Variants in ARMC1 observed in about 807,000 individuals in gnomAD.
The protein encoded by ARMC1 is armadillo repeat-containing protein 1.
In ARMC1, 16 loss-of-function variants were observed where a neutral mutation model predicts 31.4. The ratio of observed to expected loss-of-function variants is 0.51; its 90% CI spans 0.34 to 0.77. ARMC1 has a LOEUF of 0.77. ARMC1 is among the 30% of genes least tolerant of loss of function. The pLI, the probability that ARMC1 is intolerant of heterozygous loss-of-function variation, is 0.01. For synonymous variants in ARMC1, 114 were observed against 118.9 expected (o/e 0.96, Z 0.27); for missense variants, 259 against 347.5 (o/e 0.75, Z 2.02).
At chr8:65,615,072 T>A (rs571416660) in intron 3 of ARMC1, among the ~76,000 whole-genome samples, 2 of 152,336 alleles carry the variant, frequency 1.3e-5, no homozygotes, top group South Asian at 4.1e-4. Flanking sequence ...CAATTTCTGA[T>A]ACTCAGATTG....
Position 65,602,538 on chromosome 8 carries a change from C to G in ARMC1, c.*1856G>C, listed in dbSNP as rs1172910095. 1 of 152,118 alleles carries G rather than the reference C, an allele frequency of 6.6e-6. No individual in the cohort carries two copies. Among genetic ancestry groups the G allele is most frequent in the East Asian group, 1.9e-4 (1 of 5,200 alleles). The allele number at this position is 152,118 out of a possible 1,614,324, so 9.4% of individuals were successfully genotyped here. A position where few individuals can be genotyped will look rare whatever the true frequency, so the allele number is the denominator to read the frequency against. On this transcript the variant is annotated 3_prime_UTR_variant, in exon 7 of 7. Coordinates refer to ENST00000276569, the MANE Select transcript of ARMC1 (RefSeq NM_018120.6). ...AAAAATGCTGTTACAGTTGTCTTAA[C>G]TACTCTATATGATCTGGAATAAAGA...
chr8:65,633,565 C>T (rs1486995761), intron 1 of ARMC1, among the ~76,000 whole-genome samples: 1 of 152,188 alleles, frequency 6.6e-6, no homozygotes, highest in Non-Finnish European at 1.5e-5. Context: ...TTGCTAACTG[C>T]ACGAATACCT....
At chr8:65,630,282 A>G (rs987233161) in intron 1 of ARMC1, among the ~76,000 whole-genome samples, 5 of 152,202 alleles carry the variant, frequency 3.3e-5, no homozygotes, top group Non-Finnish European at 7.3e-5. Flanking sequence ...ATCATTTTGT[A>G]CCCCATAAAT....
chr8:65,622,180 A>G (rs1808407293), intron 3 of ARMC1, 83 bp downstream of exon 3: 3 of 1,098,764 alleles, frequency 2.7e-6, no homozygotes, highest in African/African-American at 1.6e-5. Flanking sequence ...GCTTGAACCC[A>G]GCATGGGCAA....
chr8:65,618,637 T>C (rs549785960), intron 3 of ARMC1, among the ~76,000 whole-genome samples: 5 of 151,520 alleles, frequency 3.3e-5, no homozygotes, highest in African/African-American at 1.2e-4. Flanking sequence ...ATCCATTTTC[T>C]AACAGTCTCA....
In ARMC1 at chr8:65,605,418, T is replaced by C. The variant is rs769800013; in HGVS notation, c.582+4A>G. 8.1e-6 allele frequency: 13 copies of C among 1,613,778 alleles called. No homozygotes were observed. In the South Asian group the frequency reaches 1.2e-4, roughly 15 times the overall value. ...AAGCATATTCAGTCTTTTAAAATAC[T>C]TACCTCAGCTTTCAAATCTGAACGG... On this transcript the variant is annotated splice_donor_region_variant and intron_variant, in intron 5 of 6. Coordinates refer to ENST00000276569, the MANE Select transcript of ARMC1 (RefSeq NM_018120.6).
At chr8:65,622,385 T>C in intron 2 of ARMC1, 31 bp from the exon 3 acceptor site, 2 of 1,577,560 alleles carry the variant, frequency 1.3e-6, no homozygotes, top group African/African-American at 1.3e-5. Flanking sequence ...AGTTAATTCG[T>C]CTGTCCAGAC....
intron 1 of ARMC1, 54 bp from the exon 2 acceptor site, chr8:65,627,487 C>T: frequency 9.9e-7 from 1 of 1,011,362 alleles, no homozygotes; most frequent in African/African-American, 1.6e-5. Context: ...TATTATAGCA[C>T]TTGTGAAATA....
At chr8:65,608,446 T>C (rs1167703420) in intron 4 of ARMC1, among the ~76,000 whole-genome samples, 1 of 151,846 alleles carries the variant, frequency 6.6e-6, no homozygotes, top group Admixed American at 6.6e-5. Flanking sequence ...CGAGAATTAC[T>C]TGAACCCAGG....
intron 1 of ARMC1, among the ~76,000 whole-genome samples, chr8:65,629,698 C>A (rs1808595114): frequency 6.7e-6 from 1 of 149,918 alleles, no homozygotes; most frequent in African/African-American, 2.5e-5. Flanking sequence ...ACTCGGGAGG[C>A]TGAGGCAGGA....
intron 3 of ARMC1, among the ~76,000 whole-genome samples, chr8:65,616,139 TCCCTCTC>T (rs1048927914): frequency 2.4e-4 from 36 of 152,290 alleles, no homozygotes; most frequent in African/African-American, 7.9e-4. Context: ...TAACAGTAAT[TCCCTCTC>T]CCCTCTCCCC....
At chr8:65,616,284 T>C (rs1229849948) in intron 3 of ARMC1, among the ~76,000 whole-genome samples, 2 of 152,316 alleles carry the variant, frequency 1.3e-5, no homozygotes, top group African/African-American at 4.8e-5. Flanking sequence ...AGGCACGCGC[T>C]GCCACGCCTG....
chr8:65,624,266 A>AC (rs1478139550), intron 2 of ARMC1, among the ~76,000 whole-genome samples: 1 of 151,590 alleles, frequency 6.6e-6, no homozygotes, highest in Non-Finnish European at 1.5e-5. Flanking sequence ...TGGGAAGCTG[A>AC]GGGGGGCAGA....
intron 4 of ARMC1, among the ~76,000 whole-genome samples, chr8:65,607,009 G>C (rs942198732): frequency 6.6e-6 from 1 of 152,190 alleles, no homozygotes; most frequent in African/African-American, 2.4e-5. Context: ...ATATTTCTGA[G>C]GGGTCAATCT....
At chr8:65,610,072 T>C (rs532683906) in intron 4 of ARMC1, among the ~76,000 whole-genome samples, 24 of 149,460 alleles carry the variant, frequency 1.6e-4, no homozygotes, top group Admixed American at 2.7e-4. Context: ...CCTCTAGAAT[T>C]AAACAACTAA....
At chr8:65,629,802 A>G (rs1366975111) in intron 1 of ARMC1, among the ~76,000 whole-genome samples, 1 of 144,638 alleles carries the variant, frequency 6.9e-6, no homozygotes, top group African/African-American at 2.6e-5. Flanking sequence ...CCGTCTCAAA[A>G]AAAAAAAAAA....
chr8:65,627,543 A>T, intron 1 of ARMC1, 110 bp from the exon 2 acceptor site: 1 of 559,900 alleles, frequency 1.8e-6, no homozygotes, highest in Non-Finnish European at 2.8e-6. Flanking sequence ...ACTAAAACTA[A>T]ATCACATAAA....
chr8:65,614,632 A>C (rs1318476258), intron 3 of ARMC1, among the ~76,000 whole-genome samples: 1 of 152,128 alleles, frequency 6.6e-6, no homozygotes, highest in African/African-American at 2.4e-5. Flanking sequence ...ATCTGGCCCC[A>C]TTTGGCTATC....
chr8:65,624,438 G>A (rs569267303), intron 2 of ARMC1, among the ~76,000 whole-genome samples: 34 of 134,602 alleles, frequency 2.5e-4, no homozygotes, highest in African/African-American at 7.7e-4. Flanking sequence ...GGCAGAGGTT[G>A]CAGTGAGCTG....
Sources: gnomAD v4.1 joint callset for allele counts (sites outside exome capture counted in the v4.1 genomes callset) on GRCh38, gnomAD v4.1.1 for gene constraint, MANE v1.5 for transcripts, NCBI Gene and HGNC (gene_info 2026-07-23, HGNC 2026-07-21) for gene names.